ZNF330: variants seen among roughly 807,000 people sequenced by gnomAD.
The protein encoded by ZNF330 is zinc finger protein 330.
Under a neutral mutation model 45.5 loss-of-function variants are expected in ZNF330, and 31 were observed. That is an observed-to-expected ratio of 0.68 (90% CI 0.51 to 0.92). The LOEUF (loss-of-function observed/expected upper bound fraction) is 0.92. ZNF330 is among the 40% of genes least tolerant of loss of function. The pLI, the probability that ZNF330 is intolerant of heterozygous loss-of-function variation, is 0.00. For synonymous variants in ZNF330, 138 were observed against 123.2 expected (o/e 1.12, Z -0.79); for missense variants, 356 against 387.4 (o/e 0.92, Z 0.68).
At position 141,226,027 on chromosome 4, in the gene ZNF330, A is replaced by G. The variant is rs1418301195; in HGVS notation, c.212-740A>G. ...CGGAAAATTGTTTCTTTTGTGTTCC[A>G]TTTTGTGGAGTCTCAGATGGATGAT... On this transcript the variant is annotated intron_variant, in intron 4 of 9. Transcript: ENST00000262990. Among the ~76,000 whole-genome samples, 2 of 152,060 alleles carry G rather than the reference A, an allele frequency of 1.3e-5. 1 individual carries two copies. The highest frequency in any genetic ancestry group is 2.9e-5 in the Non-Finnish European group (2 of 67,994).
intron 9 of ZNF330, among the ~76,000 whole-genome samples, chr4:141,233,460 T>C (rs7663811): frequency 0.36 from 54,526 of 152,022 alleles, 11,820 homozygotes; most frequent in East Asian, 0.61. Context: ...AAGGTATTTT[T>C]GTTTTAAACA....
chr4:141,234,189 AATTTAAGATGT>A lies in ZNF330; in HGVS notation c.*201_*211del. 1 of 998,506 alleles carries A rather than the reference AATTTAAGATGT, an allele frequency of 1.0e-6. No individual in the cohort carries two copies. The highest frequency in any genetic ancestry group is 1.3e-6 in the Non-Finnish European group (1 of 749,974). The allele number at this position is 998,506 out of a possible 1,614,324, so 61.9% of individuals were successfully genotyped here. ...TATGGCATAAGAAAAATGAGTTTCAAATTTAAGATGTTTATTGATCGAAGCAATTGAAGTAT... is the reference window on the plus strand; with the variant it reads ...TATGGCATAAGAAAAATGAGTTTCAATTATTGATCGAAGCAATTGAAGTAT... On this transcript the variant is annotated 3_prime_UTR_variant, in exon 10 of 10. Coordinates refer to ENST00000262990, the MANE Select transcript of ZNF330 (RefSeq NM_014487.6).
intron 2 of ZNF330, chr4:141,224,034 T>A (rs1728745013): frequency 1.0e-5 from 3 of 288,986 alleles, no homozygotes; most frequent in Non-Finnish European, 2.0e-5. Flanking sequence ...TGTTTAGGAA[T>A]CTGGATTTTC....
At position 141,233,752 on chromosome 4, in the gene ZNF330, A is replaced by C. The variant is rs1309983650; in HGVS notation, c.726A>C (p.Glu242Asp). The C allele has an allele frequency of 6.2e-7, 1 of 1,613,372 alleles. No homozygotes were observed. The highest frequency in any genetic ancestry group is 8.5e-7 in the Non-Finnish European group (1 of 1,179,680). Residue 242 changes from glutamate to aspartate, a missense_variant, in exon 10 of 10, where the codon GAA becomes GAC. Glu to Asp is a conservative substitution (Grantham distance 45, BLOSUM62 2). Transcript: ENST00000262990. ...AATTTGGCAGGCAGACTGGAGGTGA[A>C]GAGGGAGATGGAGCTTCTGGGTATG... is the stretch of plus-strand genomic sequence containing the variant. ...SLKFGRQTGGEEGDGASGYDA... is the reference protein window; with the variant it reads ...SLKFGRQTGGDEGDGASGYDA...
chr4:141,231,111 A>ATAC (rs1166715267), intron 7 of ZNF330, among the ~76,000 whole-genome samples: 1 of 152,148 alleles, frequency 6.6e-6, no homozygotes, highest in Non-Finnish European at 1.5e-5. Context: ...TACAACATAC[A>ATAC]TACTACACAC....
chr4:141,230,116 TTTAAA>T (rs778042729), intron 6 of ZNF330, 45 bp from the exon 7 acceptor site: 2 of 1,364,922 alleles, frequency 1.5e-6, no homozygotes, highest in Non-Finnish European at 2.1e-6. Flanking sequence ...TATGAGTTTT[TTTAAA>T]TTAAAGTTTA....
chr4:141,221,753 T>C (rs1374124802), intron 1 of ZNF330, among the ~76,000 whole-genome samples: 4 of 151,356 alleles, frequency 2.6e-5, no homozygotes, highest in African/African-American at 9.8e-5. Flanking sequence ...CCCGTTAAAA[T>C]TACATGCTCA....
chr4:141,228,520 G>A (rs558973203), intron 5 of ZNF330, among the ~76,000 whole-genome samples: 3 of 151,856 alleles, frequency 2.0e-5, no homozygotes, highest in Non-Finnish European at 4.4e-5. Context: ...TCCCTATATG[G>A]CCAGGTAGTC....
chr4:141,231,687 A>G (rs1017894811), intron 8 of ZNF330, among the ~76,000 whole-genome samples: 7 of 152,106 alleles, frequency 4.6e-5, no homozygotes, highest in African/African-American at 1.7e-4. Context: ...ACCTTTTAGT[A>G]GAGCTGTGGC....
intron 7 of ZNF330, among the ~76,000 whole-genome samples, chr4:141,231,130 A>C (rs1178607492): frequency 1.3e-5 from 2 of 152,132 alleles, no homozygotes; most frequent in East Asian, 3.8e-4. Flanking sequence ...ACACATAGAC[A>C]CACAATGTGT....
At position 141,229,684 on chromosome 4, in the gene ZNF330, C is replaced by A; in HGVS notation, c.405C>A (p.Gly135=). 6.2e-7 allele frequency: 1 copy of A among 1,612,870 alleles called. No homozygotes were observed. The highest frequency in any genetic ancestry group is 8.5e-7 in the Non-Finnish European group (1 of 1,179,174). Residue 135 remains glycine (G), a synonymous_variant, in exon 6 of 10, where the codon GGC becomes GGA. Transcript: ENST00000262990. Reference sequence around the variant, plus strand: ...CTGAGTGTGTTGAATGTGAACGAGGCGTGTGGGACCATGGTGAGTCATTAG... The same window carrying A: ...CTGAGTGTGTTGAATGTGAACGAGGAGTGTGGGACCATGGTGAGTCATTAG... ...TDAECVECER[G]VWDHGGRIFS...
intron 2 of ZNF330, chr4:141,223,706 A>G: frequency 4.5e-6 from 2 of 443,922 alleles, no homozygotes; most frequent in South Asian, 3.1e-5. Context: ...TGGCATGCCT[A>G]AATATATATA....
intron 2 of ZNF330, chr4:141,223,761 T>C: frequency 2.2e-6 from 1 of 456,218 alleles, no homozygotes; most frequent in South Asian, 1.5e-5. Context: ...GTACAATGTA[T>C]TTATTAGGAC....
In ZNF330 at chr4:141,229,599, G is replaced by A. The variant is rs1728897536; in HGVS notation, c.320G>A (p.Trp107Ter). Residue 107 changes from tryptophan (W) to a stop codon, truncating the protein, a stop_gained, in exon 6 of 10, where the codon TGG (tryptophan) becomes TAG (stop). Transcript: ENST00000262990. LOFTEE classifies it high-confidence loss of function. ...GCAATATGTGACTTCTGTGAAGCTT[G>A]GGTTTGCCATGGTAGGAAATGTCTC... is the stretch of plus-strand genomic sequence containing the variant. Reference protein sequence around the residue: ...VGAICDFCEAWVCHGRKCLST... With the variant: ...VGAICDFCEA 1 of 1,612,998 alleles carries A rather than the reference G, an allele frequency of 6.2e-7. No individual in the cohort carries two copies. The highest frequency in any genetic ancestry group is 8.5e-7 in the Non-Finnish European group (1 of 1,179,194).
chr4:141,227,321 A>T (rs1309836482), intron 5 of ZNF330, among the ~76,000 whole-genome samples: 4 of 151,220 alleles, frequency 2.6e-5, no homozygotes, highest in African/African-American at 9.7e-5. Context: ...GTGGTGTGTG[A>T]TGTTCCCCTT....
chr4:141,230,864 C>T (rs936051194), intron 7 of ZNF330, among the ~76,000 whole-genome samples: 2 of 152,068 alleles, frequency 1.3e-5, no homozygotes, highest in Non-Finnish European at 2.9e-5. Flanking sequence ...ATAGTATCAT[C>T]TTTACACATA....
intron 2 of ZNF330, chr4:141,222,788 T>C (rs1728715022): frequency 5.3e-6 from 1 of 188,976 alleles, no homozygotes; most frequent in Admixed American, 5.6e-5. Context: ...TTAGTCTTAT[T>C]GGGTTTTCAT....
At chr4:141,226,206 C>T (rs893673186) in intron 4 of ZNF330, among the ~76,000 whole-genome samples, 1 of 138,468 alleles carries the variant, frequency 7.2e-6, no homozygotes, top group African/African-American at 3.5e-5. Context: ...CTTATTTGGG[C>T]ACTATTTCAA....
chr4:141,228,810 A>C (rs926933326), intron 5 of ZNF330, among the ~76,000 whole-genome samples: 14 of 128,008 alleles, frequency 1.1e-4, no homozygotes, highest in African/African-American at 5.2e-4. Flanking sequence ...CTCACCTGTA[A>C]TCCAACTCGG....
Sources: allele counts gnomAD v4.1 joint callset (sites outside exome capture counted in the v4.1 genomes callset), GRCh38; gene constraint gnomAD v4.1.1; transcripts MANE v1.5; gene names NCBI Gene and HGNC (gene_info 2026-07-23, HGNC 2026-07-21).